IL1RAPL2: variants seen among roughly 807,000 people sequenced by gnomAD.
The protein encoded by IL1RAPL2 is interleukin 1 receptor accessory protein like 2.
A neutral mutation model predicts 44.1 loss-of-function variants in IL1RAPL2; 3 were observed. The observed-to-expected ratio is 0.07, with a 90% CI of 0.03 to 0.18. The LOEUF (loss-of-function observed/expected upper bound fraction) is 0.18. IL1RAPL2 is among the 10% of genes least tolerant of loss of function. The pLI is 1.00. For missense variants in IL1RAPL2, 391 were observed against 496.4 expected, an observed-to-expected ratio of 0.79 and a Z score of 2.02; for synonymous variants, 181 against 178.8, an observed-to-expected ratio of 1.01 and a Z score of -0.10.
chrX:104,613,646 T>C (rs945177849), intron 1 of IL1RAPL2, among the ~76,000 whole-genome samples: 3 of 110,492 alleles, frequency 2.7e-5, no homozygotes, highest in African/African-American at 9.9e-5. Flanking sequence ...TTGTTGTGCC[T>C]TTGCCAGATT....
At chrX:105,128,092 T>C (rs754949378) in intron 2 of IL1RAPL2, among the ~76,000 whole-genome samples, 1 of 110,849 alleles carries the variant, frequency 9.0e-6, no homozygotes, top group Non-Finnish European at 1.9e-5. Flanking sequence ...TTCCTTCTGC[T>C]TAAGTAACAT....
intron 5 of IL1RAPL2, among the ~76,000 whole-genome samples, chrX:105,447,959 T>A (rs1353144227): frequency 1.0e-5 from 1 of 99,658 alleles, no homozygotes; most frequent in African/African-American, 3.6e-5. Flanking sequence ...TAAATATATA[T>A]AAATATATTA....
chrX:104,842,891 A>G (rs762364370), intron 2 of IL1RAPL2, among the ~76,000 whole-genome samples: 10 of 112,829 alleles, frequency 8.9e-5, no homozygotes, highest in Admixed American at 8.4e-4. Context: ...TCGAGGAGGC[A>G]GTCTGTCCCT....
intron 5 of IL1RAPL2, among the ~76,000 whole-genome samples, chrX:105,397,191 G>A (rs749858587): frequency 9.0e-6 from 1 of 110,761 alleles, no homozygotes; most frequent in Non-Finnish European, 1.9e-5. Context: ...ATGATGGGTT[G>A]TGTAATTATT....
At chrX:104,632,765 A>G (rs1332391591) in intron 1 of IL1RAPL2, among the ~76,000 whole-genome samples, 2 of 108,145 alleles carry the variant, frequency 1.8e-5, no homozygotes, top group African/African-American at 6.7e-5. Context: ...GGTTTTCTAG[A>G]TATACAATCA....
At chrX:105,643,884 T>TTTTG (rs2037586049) in intron 6 of IL1RAPL2, among the ~76,000 whole-genome samples, 2 of 111,356 alleles carry the variant, frequency 1.8e-5, no homozygotes, top group African/African-American at 6.5e-5. Flanking sequence ...GCAAGCTTTT[T>TTTTG]TTTCTTTCTT....
chrX:105,497,994 C>G (rs1265883147), intron 6 of IL1RAPL2, among the ~76,000 whole-genome samples: 1 of 111,714 alleles, frequency 9.0e-6, no homozygotes, highest in Non-Finnish European at 1.9e-5. Flanking sequence ...AGTTGAAGGA[C>G]AAGGCAAGTG....
chrX:105,490,965 A>G (rs779813599), intron 6 of IL1RAPL2, among the ~76,000 whole-genome samples: 1 of 112,261 alleles, frequency 8.9e-6, no homozygotes, highest in Non-Finnish European at 1.9e-5. Flanking sequence ...CTTCAACCCA[A>G]TTACTAGATT....
chrX:105,662,323 TAGAC>T (rs1237783273), intron 6 of IL1RAPL2, among the ~76,000 whole-genome samples: 2 of 112,028 alleles, frequency 1.8e-5, no homozygotes, highest in African/African-American at 3.2e-5. Context: ...TTCCACATCT[TAGAC>T]AGAACTCTCA....
chrX:105,079,653 A>G (rs1040894225), intron 2 of IL1RAPL2, among the ~76,000 whole-genome samples: 8 of 109,243 alleles, frequency 7.3e-5, no homozygotes, highest in African/African-American at 1.0e-4. Flanking sequence ...TAGTGCTGCA[A>G]TAAACATATG....
At chrX:104,906,474 C>A (rs1406128313) in intron 2 of IL1RAPL2, among the ~76,000 whole-genome samples, 2 of 111,365 alleles carry the variant, frequency 1.8e-5, no homozygotes, top group African/African-American at 3.3e-5. Flanking sequence ...TTTGAAATAA[C>A]GTCCCATCAA....
intron 5 of IL1RAPL2, among the ~76,000 whole-genome samples, chrX:105,275,638 C>A (rs1332174504): frequency 9.1e-6 from 1 of 110,079 alleles, no homozygotes; most frequent in Non-Finnish European, 1.9e-5. Context: ...ACAAATAAGA[C>A]AACTTTGTGT....
At chrX:104,927,975 C>A (rs528441809) in intron 2 of IL1RAPL2, among the ~76,000 whole-genome samples, 125 of 111,874 alleles carry the variant, frequency 1.1e-3, no homozygotes, top group South Asian at 4.9e-3. Flanking sequence ...TTGACAGAAG[C>A]AAAGTCAAAC....
intron 3 of IL1RAPL2, among the ~76,000 whole-genome samples, chrX:105,205,587 TAAAAAAAAAA>T (rs375473348): frequency 3.8e-3 from 31 of 8,206 alleles, no homozygotes; most frequent in East Asian, 4.7e-3. Flanking sequence ...AAGACTCTGT[TAAAAAAAAAA>T]AAAAAAAAAA....
chrX:105,671,151 G>A (rs1042585195), intron 6 of IL1RAPL2, among the ~76,000 whole-genome samples: 5 of 110,173 alleles, frequency 4.5e-5, no homozygotes, highest in African/African-American at 1.3e-4. Flanking sequence ...TTCGCCATGT[G>A]GGCCAAGGTG....
At chrX:104,971,354 TAAATA>T (rs761948001) in intron 2 of IL1RAPL2, among the ~76,000 whole-genome samples, 7 of 110,610 alleles carry the variant, frequency 6.3e-5, no homozygotes, top group Non-Finnish European at 1.1e-4. Context: ...TCTCAAAAAA[TAAATA>T]AAATAAAATA....
chrX:105,030,565 C>G (rs1225546442), intron 2 of IL1RAPL2, among the ~76,000 whole-genome samples: 19 of 111,218 alleles, frequency 1.7e-4, no homozygotes, highest in African/African-American at 2.9e-4. Context: ...TAGATATGCA[C>G]CATTATTTCT....
rs183183780 is a variant in IL1RAPL2, at chrX:105,291,997, T to C, written c.697+24456T>C. ...GGGCTAACTGTGGGACTTGAATATG[T>C]GTGGATTTTGGCATATGCAGGGCGA... On this transcript the variant is annotated intron_variant, in intron 5 of 10. Coordinates refer to ENST00000372582, the MANE Select transcript of IL1RAPL2 (RefSeq NM_017416.2). 2.7e-5 allele frequency among the ~76,000 whole-genome samples: 3 copies of C among 111,123 alleles called. No homozygotes were observed. In the East Asian group the frequency reaches 8.5e-4, roughly 31 times the overall value.
chrX:105,490,844 G>T (rs1475066205), intron 6 of IL1RAPL2, among the ~76,000 whole-genome samples: 1 of 111,579 alleles, frequency 9.0e-6, no homozygotes, highest in Admixed American at 9.5e-5. Flanking sequence ...GAATTGCATC[G>T]CAATATGAGA....
Sources: gnomAD v4.1 joint callset for allele counts (sites outside exome capture counted in the v4.1 genomes callset) on GRCh38, gnomAD v4.1.1 for gene constraint, MANE v1.5 for transcripts, NCBI Gene and HGNC (gene_info 2026-07-23, HGNC 2026-07-21) for gene names.